Variants in CIMAP2 observed in about 807,000 individuals in gnomAD.
CIMAP2 encodes ciliary microtubule associated protein 2, also known as ciliary microtubule-associated protein 2.
the CIMAP2 span, among the ~76,000 whole-genome samples, chr1:54,833,879 G>A: frequency 1.3e-5 from 2 of 151,694 alleles, no homozygotes; most frequent in Non-Finnish European, 2.9e-5. Context: ...ATGGAGTCAC[G>A]CACTTGTTGC....
the CIMAP2 span, chr1:54,817,061 T>A: frequency 6.2e-7 from 1 of 1,614,116 alleles, no homozygotes; most frequent in Non-Finnish European, 8.5e-7. Flanking sequence ...GCGATATCGA[T>A]CCCTATTCCT....
the CIMAP2 span, among the ~76,000 whole-genome samples, chr1:54,818,546 CTTT>C: frequency 6.6e-6 from 1 of 151,920 alleles, no homozygotes; most frequent in Admixed American, 6.6e-5. Flanking sequence ...TTTCTTTCTT[CTTT>C]TAATAGCACC....
chr1:54,811,775 C>CGGGGGGGGG, the CIMAP2 span: 2 of 484,770 alleles, frequency 4.1e-6, no homozygotes, highest in Non-Finnish European at 4.0e-6. Context: ...GCCTCCATGC[C>CGGGGGGGGG]CCCACCCCCG....
chr1:54,832,433 T>C, the CIMAP2 span, among the ~76,000 whole-genome samples: 207 of 152,290 alleles, frequency 1.4e-3, no homozygotes, highest in African/African-American at 4.8e-3. Flanking sequence ...AACAAGAAGT[T>C]AACACAAAAG....
chr1:54,824,184 G>GAT, the CIMAP2 span, among the ~76,000 whole-genome samples: 313 of 152,196 alleles, frequency 2.1e-3, no homozygotes, highest in African/African-American at 7.3e-3. Context: ...ACTATGCCTA[G>GAT]ATATATATTT....
chr1:54,816,705 T>G, the CIMAP2 span, among the ~76,000 whole-genome samples: 3 of 152,218 alleles, frequency 2.0e-5, no homozygotes, highest in African/African-American at 7.2e-5. Context: ...TCTTCCTGTG[T>G]ATCTCTTCTT....
chr1:54,813,831 A>G, the CIMAP2 span: 2 of 1,607,258 alleles, frequency 1.2e-6, no homozygotes, highest in Non-Finnish European at 1.7e-6. Context: ...AGCCCAGGGA[A>G]CTGATGAATT....
chr1:54,824,704 T>C, the CIMAP2 span, among the ~76,000 whole-genome samples: 1 of 152,098 alleles, frequency 6.6e-6, no homozygotes, highest in East Asian at 1.9e-4. Flanking sequence ...CTATATTGAA[T>C]TGTTCAGTTC....
At chr1:54,821,716 G>A in the CIMAP2 span, among the ~76,000 whole-genome samples, 1 of 151,954 alleles carries the variant, frequency 6.6e-6, no homozygotes, top group Non-Finnish European at 1.5e-5. Flanking sequence ...GTATAGAAAT[G>A]CTACTAATTA....
chr1:54,841,676 G>GGATC, the CIMAP2 span: 1 of 1,607,674 alleles, frequency 6.2e-7, no homozygotes, highest in Non-Finnish European at 8.5e-7. Context: ...CACCAATGTA[G>GGATC]GATCTCCTGT....
chr1:54,817,202 GTTT>G, the CIMAP2 span: 1 of 1,564,440 alleles, frequency 6.4e-7, no homozygotes, highest in Non-Finnish European at 8.7e-7. Flanking sequence ...GGTTCCCCAT[GTTT>G]GGTTCCCATG....
chr1:54,818,367 C>G, the CIMAP2 span, among the ~76,000 whole-genome samples: 1 of 151,724 alleles, frequency 6.6e-6, no homozygotes, highest in Non-Finnish European at 1.5e-5. Context: ...GTTTGGCACT[C>G]TAGTTTTCTT....
chr1:54,834,637 A>G, the CIMAP2 span, among the ~76,000 whole-genome samples: 1 of 152,234 alleles, frequency 6.6e-6, no homozygotes, highest in Non-Finnish European at 1.5e-5. Context: ...GTGGATATAT[A>G]TAATGAGGTA....
chr1:54,822,030 C>G, the CIMAP2 span, among the ~76,000 whole-genome samples: 10 of 136,352 alleles, frequency 7.3e-5, 1 homozygote, highest in African/African-American at 2.7e-4. Context: ...TCCCAAGTAG[C>G]TGGGACTACA....
chr1:54,811,710 G>A, the CIMAP2 span: 1 of 1,446,498 alleles, frequency 6.9e-7, no homozygotes, highest in Non-Finnish European at 9.6e-7. Flanking sequence ...CTTGGGGATG[G>A]CAATCTCAGG....
chr1:54,807,583 C>A, the CIMAP2 span: 3 of 1,605,128 alleles, frequency 1.9e-6, no homozygotes, highest in Non-Finnish European at 2.6e-6. Context: ...CAAGAAGAAG[C>A]TGATGAAGGA....
chr1:54,816,274 T>C, the CIMAP2 span, among the ~76,000 whole-genome samples: 3 of 152,248 alleles, frequency 2.0e-5, no homozygotes, highest in Non-Finnish European at 4.4e-5. Flanking sequence ...CTGTTTAGCA[T>C]GGGACCAGCT....
At chr1:54,808,332 C>T in the CIMAP2 span, among the ~76,000 whole-genome samples, 1 of 152,140 alleles carries the variant, frequency 6.6e-6, no homozygotes, top group Non-Finnish European at 1.5e-5. Flanking sequence ...AGAGAGTAGT[C>T]AGGGCTCTGG....
the CIMAP2 span, among the ~76,000 whole-genome samples, chr1:54,819,981 TC>T: frequency 1.8e-5 from 2 of 111,346 alleles, no homozygotes; most frequent in African/African-American, 7.8e-5. Flanking sequence ...TTTCTTTTTC[TC>T]TCTTTCTTCT....
Sources: gnomAD v4.1 joint callset for allele counts (sites outside exome capture counted in the v4.1 genomes callset) on GRCh38, gnomAD v4.1.1 for gene constraint, MANE v1.5 for transcripts, NCBI Gene and HGNC (gene_info 2026-07-23, HGNC 2026-07-21) for gene names.